TTC39B: variants seen among roughly 807,000 people sequenced by gnomAD.
TTC39B encodes tetratricopeptide repeat domain 39B, also known as tetratricopeptide repeat protein 39B.
In TTC39B, 92 loss-of-function variants were observed where a neutral mutation model predicts 96.6. The ratio of observed to expected loss-of-function variants is 0.95; its 90% CI spans 0.80 to 1.13. TTC39B has a LOEUF of 1.13. TTC39B is among the 50% of genes most tolerant of loss of function. TTC39B has a pLI of 0.00. For synonymous variants in TTC39B, 367 were observed against 299.4 expected, an observed-to-expected ratio of 1.23 and a Z score of -2.33; for missense variants, 955 against 809.3, an observed-to-expected ratio of 1.18 and a Z score of -2.18.
At chr9:15,192,722 A>G (rs566820) in intron 8 of TTC39B, 27 bp from the exon 9 acceptor site, 1,173,344 of 1,508,446 alleles carry the variant, frequency 0.78, 458,153 homozygotes, top group East Asian at 0.93. Flanking sequence ...AAGTGACAGC[A>G]TAAGTTGACC....
intron 2 of TTC39B, among the ~76,000 whole-genome samples, chr9:15,237,801 C>G (rs547983230): frequency 6.6e-6 from 1 of 152,078 alleles, no homozygotes; most frequent in Non-Finnish European, 1.5e-5. Context: ...TCCAGGATCA[C>G]CCTGATACTA....
At chr9:15,268,711 C>A (rs1823227519) in intron 1 of TTC39B, among the ~76,000 whole-genome samples, 1 of 152,178 alleles carries the variant, frequency 6.6e-6, no homozygotes, top group African/African-American at 2.4e-5. Flanking sequence ...CTCTGACATC[C>A]CTACCACTCT....
At chr9:15,177,698 T>A in exon 18 of TTC39B, 1 of 1,605,392 alleles carries the variant, frequency 6.2e-7, no homozygotes, top group Non-Finnish European at 8.5e-7. Context: ...TGGTCTTACC[T>A]TTCCACAACA....
At chr9:15,262,030 A>T (rs1822964934) in intron 2 of TTC39B, among the ~76,000 whole-genome samples, 2 of 152,090 alleles carry the variant, frequency 1.3e-5, no homozygotes, top group Non-Finnish European at 2.9e-5. Flanking sequence ...TTAAGAGGTC[A>T]CCTCCTTATG....
At chr9:15,193,938 A>G (rs763305593) in intron 8 of TTC39B, among the ~76,000 whole-genome samples, 1 of 152,228 alleles carries the variant, frequency 6.6e-6, no homozygotes, top group Non-Finnish European at 1.5e-5. Context: ...CTAAGGAGAC[A>G]TGACAGCTAA....
chr9:15,304,063 T>C (rs1448721704), intron 1 of TTC39B, among the ~76,000 whole-genome samples: 1 of 152,196 alleles, frequency 6.6e-6, no homozygotes, highest in Admixed American at 6.5e-5. Flanking sequence ...AATAATAAAA[T>C]ATAAATGATT....
At chr9:15,187,586 C>T (rs554208254) in intron 14 of TTC39B, among the ~76,000 whole-genome samples, 11 of 152,234 alleles carry the variant, frequency 7.2e-5, no homozygotes, top group South Asian at 4.2e-4. Flanking sequence ...CAGCCTCCCA[C>T]GTAGAAGGGA....
intron 6 of TTC39B, among the ~76,000 whole-genome samples, chr9:15,205,624 C>G (rs1021517499): frequency 6.6e-6 from 1 of 152,222 alleles, no homozygotes; most frequent in African/African-American, 2.4e-5. Flanking sequence ...CAAAGTGTGC[C>G]TAGTGATTTT....
intron 2 of TTC39B, among the ~76,000 whole-genome samples, chr9:15,246,202 G>A (rs1007719748): frequency 4.6e-5 from 7 of 152,148 alleles, no homozygotes; most frequent in African/African-American, 7.2e-5. Context: ...GTGGTGAGCC[G>A]AGATCACGCC....
At chr9:15,291,372 T>C (rs1444472416) in intron 1 of TTC39B, among the ~76,000 whole-genome samples, 1 of 152,228 alleles carries the variant, frequency 6.6e-6, no homozygotes, top group East Asian at 1.9e-4. Flanking sequence ...ACAAGCTCTC[T>C]CTTTGCCTGC....
chr9:15,177,254 G>A (rs1169205034), intron 18 of TTC39B, among the ~76,000 whole-genome samples: 1 of 152,018 alleles, frequency 6.6e-6, no homozygotes. Flanking sequence ...TATCTCTTAA[G>A]CTCAGGAGTT....
At chr9:15,268,027 T>C (rs1333120956) in intron 1 of TTC39B, 79 bp from the exon 2 acceptor site, 2 of 1,337,426 alleles carry the variant, frequency 1.5e-6, no homozygotes, top group Non-Finnish European at 2.1e-6. Context: ...AGAAAATGAA[T>C]ACACGCATTG....
exon 4 of TTC39B, chr9:15,214,200 C>T (rs1820369367): frequency 1.2e-6 from 2 of 1,614,124 alleles, no homozygotes; most frequent in African/African-American, 2.7e-5. Flanking sequence ...TTCAATGCCA[C>T]AGCACATTCT....
At chr9:15,200,051 A>C (rs1382215352) in intron 7 of TTC39B, 126 bp from the exon 8 acceptor site, 5 of 524,182 alleles carry the variant, frequency 9.5e-6, no homozygotes, top group African/African-American at 2.0e-5. Flanking sequence ...TTGAGGACAT[A>C]ATTTTGAAAT....
chr9:15,299,015 C>G (rs1824483252), intron 1 of TTC39B, among the ~76,000 whole-genome samples: 1 of 152,168 alleles, frequency 6.6e-6, no homozygotes, highest in Non-Finnish European at 1.5e-5. Context: ...ACTACCCTCT[C>G]TCCCAGGAGA....
At chr9:15,172,082 C>T in exon 20 of TTC39B, 1 of 1,612,578 alleles carries the variant, frequency 6.2e-7, no homozygotes, top group African/African-American at 1.3e-5. Context: ...GTAGTCTGGA[C>T]TCCAGGGAGT....
chr9:15,252,807 G>A (rs899502620), intron 2 of TTC39B, among the ~76,000 whole-genome samples: 2 of 152,150 alleles, frequency 1.3e-5, no homozygotes, highest in African/African-American at 4.8e-5. Flanking sequence ...GGGTCTGTGG[G>A]AACTCTACTA....
chr9:15,243,546 G>A (rs1822141074), intron 2 of TTC39B, among the ~76,000 whole-genome samples: 1 of 152,190 alleles, frequency 6.6e-6, no homozygotes, highest in African/African-American at 2.4e-5. Flanking sequence ...ACTTTCGTAA[G>A]AACCAAAAAT....
intron 18 of TTC39B, 123 bp from the exon 19 acceptor site, chr9:15,175,258 G>C (rs1015640142): frequency 3.0e-6 from 2 of 658,808 alleles, no homozygotes; most frequent in South Asian, 4.1e-5. Context: ...TCATAGAAAG[G>C]CGGCCATTGT....
Sources: allele counts gnomAD v4.1 joint callset (sites outside exome capture counted in the v4.1 genomes callset), GRCh38; gene constraint gnomAD v4.1.1; transcripts MANE v1.5; gene names NCBI Gene and HGNC (gene_info 2026-07-23, HGNC 2026-07-21).